The following RNF115 variants were observed in gnomAD, a reference collection of about 807,000 sequenced individuals.
RNF115 encodes the protein ring finger protein 115.
A neutral mutation model predicts 39.2 loss-of-function variants in RNF115; 31 were observed. That is an observed-to-expected ratio of 0.79 (90% CI 0.59 to 1.07). The LOEUF (loss-of-function observed/expected upper bound fraction) is 1.07. Among genes scored for constraint, RNF115 ranks in the 50% least tolerant of loss-of-function variants. RNF115 has a pLI of 0.00. For missense variants in RNF115, 384 were observed against 381.7 expected, an observed-to-expected ratio of 1.01 and a Z score of -0.05; for synonymous variants, 124 against 131.0, an observed-to-expected ratio of 0.95 and a Z score of 0.37.
intron 4 of RNF115, among the ~76,000 whole-genome samples, chr1:145,769,347 C>T (rs1647530503): frequency 1.3e-5 from 2 of 152,172 alleles, no homozygotes; most frequent in African/African-American, 4.8e-5. Context: ...GTTTCTGGCA[C>T]ATACTCTTAG....
intron 1 of RNF115, among the ~76,000 whole-genome samples, chr1:145,799,828 A>C (rs1649149431): frequency 6.6e-6 from 1 of 151,910 alleles, no homozygotes; most frequent in Non-Finnish European, 1.5e-5. Context: ...TCCTGGACTC[A>C]AGTGATCCTC....
chr1:145,817,055 T>TGCTATG (rs1277483815), intron 1 of RNF115, among the ~76,000 whole-genome samples: 3 of 54,102 alleles, frequency 5.5e-5, no homozygotes, highest in Non-Finnish European at 1.4e-4. Context: ...GTGAGGTAAA[T>TGCTATG]GCTATGGCCA....
At chr1:145,768,188 C>T (rs1647465230) in intron 4 of RNF115, among the ~76,000 whole-genome samples, 1 of 152,238 alleles carries the variant, frequency 6.6e-6, no homozygotes. Context: ...CTCTTCTCCG[C>T]TCAGATCCTG....
Position 145,790,871 on chromosome 1 carries a change from G to A in RNF115, c.103-1905C>T, listed in dbSNP as rs1553718861. On this transcript the variant is annotated intron_variant, in intron 1 of 8. Coordinates refer to ENST00000582693, the MANE Select transcript of RNF115 (RefSeq NM_014455.4). ...ACTGCTACTTTTTAGTCTGGGCGCG[G>A]TGGCTCACGCCTGCAATCCTAACAC... is the stretch of plus-strand genomic sequence containing the variant. Among the ~76,000 whole-genome samples the A allele has an allele frequency of 1.3e-5, 2 of 152,014 alleles. 1 individual carries two copies. Among genetic ancestry groups the A allele is most frequent in the Admixed American group, 1.3e-4 (2 of 15,264 alleles).
intron 1 of RNF115, among the ~76,000 whole-genome samples, chr1:145,800,424 C>CCACTCCCT (rs1166634528): frequency 2.6e-5 from 4 of 152,094 alleles, no homozygotes; most frequent in Admixed American, 6.5e-5. Context: ...TGTGACCTTC[C>CCACTCCCT]CACTCCCTTT....
chr1:145,804,425 G>A (rs1571775352), intron 1 of RNF115, among the ~76,000 whole-genome samples: 1 of 151,750 alleles, frequency 6.6e-6, no homozygotes, highest in African/African-American at 2.4e-5. Context: ...AAACAAAGCT[G>A]GACTGGTAAT....
At chr1:145,767,387 A>C (rs1345289787) in intron 4 of RNF115, among the ~76,000 whole-genome samples, 1 of 147,890 alleles carries the variant, frequency 6.8e-6, no homozygotes, top group Admixed American at 6.7e-5. Context: ...GTGGCAGGGC[A>C]GAGGCGCTCC....
rs587659958 is a variant in RNF115, at chr1:145,752,652, G to A, written c.500+326C>T. Reference sequence around the variant, plus strand: ...CGCCCAAGCTGGAGTACAGTGGCGCGATCTCGGCTCACTGCAACCTCCACC... The same window carrying A: ...CGCCCAAGCTGGAGTACAGTGGCGCAATCTCGGCTCACTGCAACCTCCACC... On this transcript the variant is annotated intron_variant, in intron 5 of 8. Transcript: ENST00000582693. Among the ~76,000 whole-genome samples the A allele has an allele frequency of 5.3e-5, 7 of 132,946 alleles. No homozygotes were observed. In the East Asian group the frequency reaches 1.2e-3, roughly 22 times the overall value. The allele number at this position is 132,946 out of a possible 152,430, so 87.2% of individuals were successfully genotyped here. A position where few individuals can be genotyped will look rare whatever the true frequency, so the allele number is the denominator to read the frequency against.
At position 145,766,928 on chromosome 1, in the gene RNF115, G is replaced by A. The variant is rs587603767; in HGVS notation, c.428+4783C>T. Among the ~76,000 whole-genome samples the A allele has an allele frequency of 2.3e-4, 21 of 90,918 alleles. 6 individuals carry two copies. The highest frequency in any genetic ancestry group is 9.3e-4 in the Admixed American group (8 of 8,586). The allele number at this position is 90,918 out of a possible 152,430, so 59.6% of individuals were successfully genotyped here. A position where few individuals can be genotyped will look rare whatever the true frequency, so the allele number is the denominator to read the frequency against. ...CACCTCCCGGACGGGGCGGCTGGCC[G>A]GGCGGGGGGCTGACCTGACCCCCCC... is the stretch of plus-strand genomic sequence containing the variant. On this transcript the variant is annotated intron_variant, in intron 4 of 8. Transcript: ENST00000582693.
chr1:145,815,609 A>G (rs1649957038), intron 1 of RNF115, among the ~76,000 whole-genome samples: 2 of 151,930 alleles, frequency 1.3e-5, no homozygotes, highest in Middle Eastern at 3.4e-3. Flanking sequence ...TTCATCATCA[A>G]TGTAGCACAC....
chr1:145,801,186 A>G (rs587673568), intron 1 of RNF115, among the ~76,000 whole-genome samples: 1 of 152,318 alleles, frequency 6.6e-6, no homozygotes, highest in African/African-American at 2.4e-5. Context: ...CGTCTCAAAA[A>G]AAAAGAAAAA....
At chr1:145,756,112 CA>C (rs1403060828) in intron 4 of RNF115, among the ~76,000 whole-genome samples, 1 of 152,052 alleles carries the variant, frequency 6.6e-6, no homozygotes, top group Non-Finnish European at 1.5e-5. Flanking sequence ...AAGGCACTGC[CA>C]AAAGACTGAT....
chr1:145,787,161 A>G (rs1403383328), intron 2 of RNF115: 4 of 489,494 alleles, frequency 8.2e-6, no homozygotes, highest in African/African-American at 8.1e-5. Flanking sequence ...CTTTTTGACC[A>G]GTCGGTACTT....
At chr1:145,798,020 TG>T (rs1329722721) in intron 1 of RNF115, among the ~76,000 whole-genome samples, 41 of 152,204 alleles carry the variant, frequency 2.7e-4, no homozygotes, top group African/African-American at 9.9e-4. Flanking sequence ...GTTGAGTTGT[TG>T]TTCTTTCTAC....
chr1:145,749,666 T>A (rs1181590504), intron 7 of RNF115, among the ~76,000 whole-genome samples: 3 of 152,148 alleles, frequency 2.0e-5, no homozygotes, highest in African/African-American at 7.2e-5. Context: ...CTGAACCTCA[T>A]CTGGACTGCT....
At chr1:145,770,458 C>G (rs992597580) in intron 4 of RNF115, among the ~76,000 whole-genome samples, 5 of 152,088 alleles carry the variant, frequency 3.3e-5, no homozygotes, top group African/African-American at 1.2e-4. Flanking sequence ...TAAGTATTAG[C>G]TACATGTGGC....
intron 1 of RNF115, among the ~76,000 whole-genome samples, chr1:145,806,966 A>T (rs1444223538): frequency 2.0e-5 from 3 of 152,224 alleles, no homozygotes; most frequent in Admixed American, 2.0e-4. Flanking sequence ...CACTGCGCCC[A>T]GCCGTAAACC....
chr1:145,795,436 C>T (rs1328155465), intron 1 of RNF115, among the ~76,000 whole-genome samples: 2 of 152,066 alleles, frequency 1.3e-5, no homozygotes, highest in Non-Finnish European at 2.9e-5. Flanking sequence ...CTTGATTGGT[C>T]CATTTTACAG....
chr1:145,817,933 G>GT (rs1335777537), intron 1 of RNF115, among the ~76,000 whole-genome samples: 19 of 124,460 alleles, frequency 1.5e-4, no homozygotes, highest in Non-Finnish European at 8.2e-5. Flanking sequence ...TTTCGGTTTT[G>GT]TTTTTTTTAA....
Sources: gnomAD v4.1 joint callset for allele counts (sites outside exome capture counted in the v4.1 genomes callset) on GRCh38, gnomAD v4.1.1 for gene constraint, MANE v1.5 for transcripts, NCBI Gene and HGNC (gene_info 2026-07-23, HGNC 2026-07-21) for gene names.